The following IQSEC1 variants were observed in gnomAD, a reference collection of about 807,000 sequenced individuals.
IQSEC1 encodes the protein IQ motif and SEC7 domain-containing protein 1.
IQSEC1 carries 31 observed loss-of-function variants against 91.0 expected under a neutral mutation model. The observed-to-expected ratio is 0.34, with a 90% CI of 0.26 to 0.46. IQSEC1 has a LOEUF of 0.46. Among genes scored for constraint, IQSEC1 ranks in the 20% least tolerant of loss-of-function variants. The pLI is 1.00. For missense variants in IQSEC1, 1,388 were observed against 1,575.6 expected, an observed-to-expected ratio of 0.88 and a Z score of 2.02; for synonymous variants, 699 against 662.6, an observed-to-expected ratio of 1.05 and a Z score of -0.84.
chr3:12,976,717 C>T (rs1008628885), intron 1 of IQSEC1, among the ~76,000 whole-genome samples: 2 of 152,226 alleles, frequency 1.3e-5, no homozygotes, highest in East Asian at 3.8e-4. Context: ...CAGAAAGTAG[C>T]TCTGCAACTT....
intron 1 of IQSEC1, among the ~76,000 whole-genome samples, chr3:13,064,124 C>T (rs1397788031): frequency 2.9e-4 from 44 of 152,104 alleles, no homozygotes; most frequent in Non-Finnish European, 2.9e-5. Flanking sequence ...ACTGTCCTCC[C>T]ATCTTAGGTA....
intron 2 of IQSEC1, among the ~76,000 whole-genome samples, chr3:13,095,906 T>C (rs1705947527): frequency 6.6e-6 from 1 of 152,208 alleles, no homozygotes; most frequent in African/African-American, 2.4e-5. Context: ...TGAGACCTCA[T>C]GCATTCACTG....
At chr3:12,969,522 G>A (rs1350636154) in intron 1 of IQSEC1, among the ~76,000 whole-genome samples, 2 of 152,252 alleles carry the variant, frequency 1.3e-5, no homozygotes, top group African/African-American at 4.8e-5. Context: ...TAGGGTAGGG[G>A]TAGGAAGCTG....
intron 1 of IQSEC1, among the ~76,000 whole-genome samples, chr3:12,968,915 A>C (rs531576631): frequency 6.6e-6 from 1 of 152,296 alleles, no homozygotes; most frequent in African/African-American, 2.4e-5. Flanking sequence ...AAGGGGGCTG[A>C]GGTGGCCCAG....
chr3:13,175,455 G>A (rs1693708219), intron 1 of IQSEC1, among the ~76,000 whole-genome samples: 1 of 152,142 alleles, frequency 6.6e-6, no homozygotes. Flanking sequence ...GGCAAGAAAG[G>A]GCATCCTACA....
chr3:13,082,008 G>A (rs1002563884), intron 2 of IQSEC1, among the ~76,000 whole-genome samples: 4 of 152,230 alleles, frequency 2.6e-5, no homozygotes, highest in African/African-American at 7.2e-5. Context: ...CGGGCAGCAC[G>A]AGGGGTGCAG....
intron 1 of IQSEC1, among the ~76,000 whole-genome samples, chr3:13,036,188 A>G (rs1704029594): frequency 1.3e-5 from 2 of 152,170 alleles, no homozygotes. Context: ...AGTTACATGC[A>G]GTCAGAAAGT....
intron 1 of IQSEC1, among the ~76,000 whole-genome samples, chr3:12,954,291 C>T (rs1326743196): frequency 1.3e-5 from 2 of 152,182 alleles, no homozygotes; most frequent in African/African-American, 4.8e-5. Context: ...TTCCAGGAGA[C>T]AGGCTGGGGA....
rs1392902640 is a variant in IQSEC1, at chr3:12,994,042, C to T, written c.24-52177G>A. Among the ~76,000 whole-genome samples the T allele has an allele frequency of 8.1e-5, 12 of 148,494 alleles. No individual in the cohort carries two copies. The highest frequency in any genetic ancestry group is 8.0e-4 in the Admixed American group (12 of 14,940). The stretch of plus-strand genomic sequence containing the variant: ...CCCCCGCCCGGGGCCCCGCACCGCA[C>T]CGGTCGCCGGGCGCGTCCCCCGCCG... On this transcript the variant is annotated intron_variant, in intron 1 of 13. Transcript: ENST00000613206. The surrounding 1 kb of genome is among the most constrained non-coding windows in gnomAD (Gnocchi z 4.5).
At chr3:13,238,048 G>C (rs1014756817) in intron 1 of IQSEC1, among the ~76,000 whole-genome samples, 1 of 152,208 alleles carries the variant, frequency 6.6e-6, no homozygotes, top group African/African-American at 2.4e-5. Context: ...GAGCATCCAC[G>C]TGCAGATGGG....
At chr3:13,182,338 C>T (rs1693858209) in intron 1 of IQSEC1, among the ~76,000 whole-genome samples, 1 of 152,198 alleles carries the variant, frequency 6.6e-6, no homozygotes, top group Non-Finnish European at 1.5e-5. Context: ...TGTAATTAAT[C>T]CATTCTGGGC....
At position 13,207,706 on chromosome 3, in the gene IQSEC1, AT is replaced by A. The variant is rs1198693097; in HGVS notation, c.273-43574del. ...GCCCCTCAGATTCCTGCAGGGGCTT[AT>A]CCCTGCCATCAGCCGGCCACGCCAT... On this transcript the variant is annotated intron_variant, in intron 1 of 15. Coordinates refer to the IQSEC1 transcript ENST00000648114. The surrounding 1 kb of genome is among the most constrained non-coding windows in gnomAD (Gnocchi z 4.8). Among the ~76,000 whole-genome samples the A allele has an allele frequency of 6.6e-6, 1 of 152,068 alleles. No individual in the cohort carries two copies. The highest frequency in any genetic ancestry group is 1.5e-5 in the Non-Finnish European group (1 of 68,006).
At chr3:13,183,916 G>A (rs1055119377) in intron 1 of IQSEC1, among the ~76,000 whole-genome samples, 1 of 152,174 alleles carries the variant, frequency 6.6e-6, no homozygotes, top group African/African-American at 2.4e-5. Flanking sequence ...GAGATGACTT[G>A]AGCCAATTCC....
At position 13,239,527 on chromosome 3, in the gene IQSEC1, G is replaced by A. The variant is rs1229033849; in HGVS notation, c.272+43184C>T. ...GCCGTGAGGCCCTGGGAAAGCCAAG[G>A]TCTCTGCTCTTACTCTCAGCAACTT... On this transcript the variant is annotated intron_variant, in intron 1 of 15. Transcript: ENST00000648114. Among the ~76,000 whole-genome samples the A allele has an allele frequency of 5.9e-5, 9 of 152,362 alleles. No individual in the cohort carries two copies. The East Asian group carries it at 1.7e-3, about 29-fold the overall frequency.
chr3:12,911,991 G>A (rs1185757045), intron 9 of IQSEC1, among the ~76,000 whole-genome samples: 1 of 152,224 alleles, frequency 6.6e-6, no homozygotes, highest in Non-Finnish European at 1.5e-5. Flanking sequence ...CCCCTCAAGT[G>A]CCTTCTCACA....
intron 1 of IQSEC1, among the ~76,000 whole-genome samples, chr3:13,179,997 C>T (rs919393761): frequency 4.9e-5 from 7 of 142,908 alleles, no homozygotes; most frequent in African/African-American, 2.1e-4. Context: ...GCCTCCCCCA[C>T]CCCCTCTCCG....
intron 12 of IQSEC1, among the ~76,000 whole-genome samples, chr3:12,907,803 C>T (rs1440682417): frequency 1.3e-5 from 2 of 152,220 alleles, no homozygotes; most frequent in African/African-American, 4.8e-5. Flanking sequence ...ACAGTTCCCA[C>T]CAGGGCTTTC....
intron 1 of IQSEC1, among the ~76,000 whole-genome samples, chr3:13,234,206 C>T (rs1253153157): frequency 1.3e-5 from 2 of 150,806 alleles, no homozygotes; most frequent in Non-Finnish European, 1.5e-5. Flanking sequence ...CTGTGTGTGC[C>T]TGTGGGTGTG....
At chr3:13,051,260 C>T (rs1383263131) in intron 1 of IQSEC1, among the ~76,000 whole-genome samples, 1 of 152,238 alleles carries the variant, frequency 6.6e-6, no homozygotes, top group African/African-American at 2.4e-5. Context: ...GCCCCTCCTC[C>T]TCTGTCCCCA....
Sources: gnomAD v4.1 joint callset for allele counts (sites outside exome capture counted in the v4.1 genomes callset) on GRCh38, gnomAD v4.1.1 for gene constraint, Gnocchi (gnomAD v3.1) non-coding constraint, MANE v1.5 for transcripts, NCBI Gene and HGNC (gene_info 2026-07-23, HGNC 2026-07-21) for gene names.